The following QTMAN variants were observed in gnomAD, a reference collection of about 807,000 sequenced individuals.
QTMAN encodes tRNA-queuosine alpha-mannosyltransferase.
chr2:144,232,961 T>C, the QTMAN span, among the ~76,000 whole-genome samples: 1 of 152,190 alleles, frequency 6.6e-6, no homozygotes, highest in Non-Finnish European at 1.5e-5. Flanking sequence ...ATTTTTTATT[T>C]CAAAGGAAAA....
the QTMAN span, among the ~76,000 whole-genome samples, chr2:144,164,884 G>C: frequency 6.6e-6 from 1 of 152,192 alleles, no homozygotes; most frequent in Admixed American, 6.5e-5. Flanking sequence ...TGACTACAGT[G>C]TCCTGTATAC....
the QTMAN span, among the ~76,000 whole-genome samples, chr2:144,121,742 T>C: frequency 1.3e-5 from 2 of 152,228 alleles, no homozygotes; most frequent in Non-Finnish European, 1.5e-5. Flanking sequence ...TGCGGGGCTG[T>C]GCCAGCATGA....
chr2:144,082,775 C>T, the QTMAN span, among the ~76,000 whole-genome samples: 6 of 152,082 alleles, frequency 3.9e-5, no homozygotes, highest in Non-Finnish European at 4.4e-5. Context: ...CTCTCAGTCA[C>T]GGGCTCTGTA....
chr2:143,970,234 A>G, the QTMAN span, among the ~76,000 whole-genome samples: 1 of 152,322 alleles, frequency 6.6e-6, no homozygotes, highest in Non-Finnish European at 1.5e-5. Context: ...CCACATTACA[A>G]GTTAGATGCC....
chr2:144,143,679 T>G, the QTMAN span, among the ~76,000 whole-genome samples: 2 of 152,064 alleles, frequency 1.3e-5, no homozygotes, highest in Non-Finnish European at 2.9e-5. Context: ...TATAATAATA[T>G]ACCAAAAGTT....
chr2:144,145,195 T>C, the QTMAN span, among the ~76,000 whole-genome samples: 1 of 151,750 alleles, frequency 6.6e-6, no homozygotes, highest in Admixed American at 6.6e-5. Context: ...TAAAACTCTA[T>C]TTTGATTTTA....
At chr2:144,044,141 T>C in the QTMAN span, among the ~76,000 whole-genome samples, 1 of 152,116 alleles carries the variant, frequency 6.6e-6, no homozygotes, top group Non-Finnish European at 1.5e-5. Context: ...AAGTTGAAAA[T>C]CTCTTCCAGA....
the QTMAN span, among the ~76,000 whole-genome samples, chr2:144,304,704 CA>C: frequency 6.6e-6 from 1 of 152,138 alleles, no homozygotes; most frequent in African/African-American, 2.4e-5. Context: ...CTCAGCCTCC[CA>C]AAGTGCTGGG....
chr2:144,208,777 C>T, the QTMAN span: 2 of 1,600,060 alleles, frequency 1.2e-6, no homozygotes, highest in Non-Finnish European at 1.7e-6. Context: ...GATGAGGATA[C>T]TCATTGGCCC....
At chr2:144,055,598 C>T in the QTMAN span, among the ~76,000 whole-genome samples, 1 of 152,102 alleles carries the variant, frequency 6.6e-6, no homozygotes, top group South Asian at 2.1e-4. Context: ...AGAACTGAGG[C>T]ATCCACCAGA....
chr2:144,006,237 G>C, the QTMAN span: 1 of 152,122 alleles, frequency 6.6e-6, no homozygotes, highest in African/African-American at 2.4e-5. Context: ...TAGAATTAAA[G>C]ATGAAAATCC....
At chr2:144,231,537 T>A in the QTMAN span, among the ~76,000 whole-genome samples, 1 of 152,112 alleles carries the variant, frequency 6.6e-6, no homozygotes, top group Non-Finnish European at 1.5e-5. Flanking sequence ...TGTTCTGAAT[T>A]AAAACTATAC....
chr2:144,127,887 A>G, the QTMAN span: 1 of 152,036 alleles, frequency 6.6e-6, no homozygotes, highest in Non-Finnish European at 1.5e-5. Flanking sequence ...ATAACACATG[A>G]AACTCTCCCT....
At chr2:143,975,679 C>T in the QTMAN span, among the ~76,000 whole-genome samples, 665 of 152,266 alleles carry the variant, frequency 4.4e-3, 7 homozygotes, top group African/African-American at 0.014. Flanking sequence ...TATCTAAAAG[C>T]AATTCTGGCT....
At chr2:144,249,866 T>A in the QTMAN span, among the ~76,000 whole-genome samples, 11 of 152,162 alleles carry the variant, frequency 7.2e-5, no homozygotes, top group Non-Finnish European at 1.6e-4. Flanking sequence ...TTTACAAAAA[T>A]TCACTTTACC....
At chr2:144,239,996 C>T in the QTMAN span, among the ~76,000 whole-genome samples, 1 of 152,164 alleles carries the variant, frequency 6.6e-6, no homozygotes, top group African/African-American at 2.4e-5. Context: ...AGTTGCTCAC[C>T]GCTAAGCAGA....
chr2:144,066,133 T>C, the QTMAN span, among the ~76,000 whole-genome samples: 17 of 152,308 alleles, frequency 1.1e-4, no homozygotes, highest in Non-Finnish European at 1.6e-4. Flanking sequence ...CCCTTTTTCT[T>C]TCCTCTCATT....
chr2:144,086,910 C>T, the QTMAN span, among the ~76,000 whole-genome samples: 1 of 152,134 alleles, frequency 6.6e-6, no homozygotes, highest in South Asian at 2.1e-4. Context: ...TCCCTGATTC[C>T]CAGAATCTCC....
chr2:143,971,999 T>C, the QTMAN span, among the ~76,000 whole-genome samples: 2 of 152,282 alleles, frequency 1.3e-5, no homozygotes, highest in East Asian at 3.9e-4. Context: ...CTTACAGAAT[T>C]AGAGTTCTAT....
Sources: gnomAD v4.1 joint callset for allele counts (sites outside exome capture counted in the v4.1 genomes callset) on GRCh38, gnomAD v4.1.1 for gene constraint, MANE v1.5 for transcripts, NCBI Gene and HGNC (gene_info 2026-07-23, HGNC 2026-07-21) for gene names.